The following MYO3B variants were observed in gnomAD, a reference collection of about 807,000 sequenced individuals.
MYO3B encodes the protein myosin-IIIb.
Under a neutral mutation model 174.6 loss-of-function variants are expected in MYO3B, and 156 were observed. That is an observed-to-expected ratio of 0.89 (90% CI 0.78 to 1.02). The LOEUF is 1.02. Among genes scored for constraint, MYO3B ranks in the 50% least tolerant of loss-of-function variants. The pLI, the probability that MYO3B is intolerant of heterozygous loss-of-function variation, is 0.00. For missense variants in MYO3B, 1,632 were observed against 1,639.4 expected (o/e 1.00, Z 0.08); for synonymous variants, 563 against 569.1 (o/e 0.99, Z 0.15).
chr2:170,448,764 G>C (rs1425598949), intron 23 of MYO3B, among the ~76,000 whole-genome samples: 1 of 149,604 alleles, frequency 6.7e-6, no homozygotes, highest in Admixed American at 6.7e-5. Flanking sequence ...AAAAACTCAA[G>C]AACAACTAAC....
intron 32 of MYO3B, among the ~76,000 whole-genome samples, chr2:170,586,135 G>T (rs112207129): frequency 1.3e-5 from 2 of 152,352 alleles, no homozygotes; most frequent in East Asian, 1.9e-4. Context: ...TTACTAAGCA[G>T]TGGAGTGAAA....
intron 7 of MYO3B, among the ~76,000 whole-genome samples, chr2:170,253,341 G>C (rs1319779215): frequency 1.3e-5 from 2 of 152,168 alleles, no homozygotes; most frequent in Non-Finnish European, 2.9e-5. Flanking sequence ...TTTTTGGCTC[G>C]AGCAACTGCA....
chr2:170,388,691 G>A (rs11674995), intron 14 of MYO3B, among the ~76,000 whole-genome samples: 36,888 of 152,110 alleles, frequency 0.24, 4,924 homozygotes, highest in Non-Finnish European at 0.31. Flanking sequence ...GCTGTTGCCA[G>A]ATTCATGTGA....
intron 7 of MYO3B, among the ~76,000 whole-genome samples, chr2:170,297,453 A>G (rs180671800): frequency 1.1e-3 from 175 of 152,338 alleles, no homozygotes; most frequent in Non-Finnish European, 2.2e-3. Context: ...AGAGATTGCC[A>G]TAGTAACTCT....
In MYO3B at chr2:170,336,474, C is replaced by T. The variant is rs117704358; in HGVS notation, c.815+1024C>T. ...CAATACAGATCAACAATCTCTTATC[C>T]GTATTTCCAAAATCCAAAGAGCTCC... On this transcript the variant is annotated intron_variant, in intron 8 of 34. Coordinates refer to ENST00000408978, the MANE Select transcript of MYO3B (RefSeq NM_138995.5). Among the ~76,000 whole-genome samples, 787 of 152,088 alleles carry T rather than the reference C, an allele frequency of 5.2e-3. 11 individuals are homozygous for T. Among genetic ancestry groups the T allele is most frequent in the East Asian group, 0.039 (199 of 5,164 alleles).
chr2:170,375,721 G>GCATA (rs1553476219), intron 9 of MYO3B, among the ~76,000 whole-genome samples: 1 of 148,802 alleles, frequency 6.7e-6, no homozygotes, highest in East Asian at 2.0e-4. Context: ...GTGCATGCAT[G>GCATA]CACACACACA....
chr2:170,453,549 T>C (rs1683735502), intron 23 of MYO3B, among the ~76,000 whole-genome samples: 1 of 151,828 alleles, frequency 6.6e-6, no homozygotes, highest in Non-Finnish European at 1.5e-5. Context: ...GGTACCAGGT[T>C]TCTGGGCTCC....
At chr2:170,625,764 C>T (rs1267621128) in intron 32 of MYO3B, among the ~76,000 whole-genome samples, 3 of 152,184 alleles carry the variant, frequency 2.0e-5, no homozygotes, top group Admixed American at 6.5e-5. Context: ...TCTTTGTTCT[C>T]ATTGGTTTCA....
chr2:170,263,028 G>A (rs547486561), intron 7 of MYO3B, among the ~76,000 whole-genome samples: 5 of 152,318 alleles, frequency 3.3e-5, no homozygotes, highest in African/African-American at 7.2e-5. Flanking sequence ...TGGTTTGGTA[G>A]GAATTAGGAG....
chr2:170,416,140 G>A (rs2094576957), intron 22 of MYO3B, among the ~76,000 whole-genome samples: 1 of 152,128 alleles, frequency 6.6e-6, no homozygotes. Flanking sequence ...CAGAGTTCAT[G>A]GTGATGCATC....
chr2:170,541,089 G>T (rs777171856), intron 30 of MYO3B, among the ~76,000 whole-genome samples: 5 of 152,174 alleles, frequency 3.3e-5, no homozygotes, highest in African/African-American at 7.2e-5. Flanking sequence ...AAACAGATAA[G>T]CTGACTCCCT....
At chr2:170,181,777 G>A (rs918266720) in intron 1 of MYO3B, among the ~76,000 whole-genome samples, 5 of 152,200 alleles carry the variant, frequency 3.3e-5, no homozygotes, top group South Asian at 4.1e-4. Context: ...ATGCCTACCA[G>A]TAGAATTACA....
chr2:170,646,062 G>A (rs1371116528), intron 32 of MYO3B, among the ~76,000 whole-genome samples: 2 of 151,866 alleles, frequency 1.3e-5, no homozygotes, highest in African/African-American at 2.4e-5. Flanking sequence ...ACCTGAGGTC[G>A]GGAGTTCGAG....
In MYO3B at chr2:170,466,732, A is replaced by G. The variant is rs747505587; in HGVS notation, c.3014+21A>G. The G allele has an allele frequency of 2.5e-6, 4 of 1,610,102 alleles. No individual in the cohort carries two copies. The African/African-American group carries it at 4.0e-5, about 16-fold the overall frequency. On this transcript the variant is annotated intron_variant, in intron 25 of 34. Coordinates refer to ENST00000408978, the MANE Select transcript of MYO3B (RefSeq NM_138995.5). ...AAAAGGTCAGACCGTCATCTACGGG[A>G]ATGCATTCTTATAAATGTAGCTCTA...
At chr2:170,431,387 C>T (rs2094707854) in intron 22 of MYO3B, among the ~76,000 whole-genome samples, 1 of 152,208 alleles carries the variant, frequency 6.6e-6, no homozygotes, top group African/African-American at 2.4e-5. Context: ...TTGAAACAGT[C>T]TGGGATTCAG....
chr2:170,204,966 C>G (rs1014812793), intron 3 of MYO3B, among the ~76,000 whole-genome samples: 1 of 152,130 alleles, frequency 6.6e-6, no homozygotes, highest in African/African-American at 2.4e-5. Flanking sequence ...TCCAAGTGCC[C>G]AGTCTTTTTT....
At chr2:170,242,958 T>C (rs540258365) in intron 7 of MYO3B, among the ~76,000 whole-genome samples, 3 of 152,172 alleles carry the variant, frequency 2.0e-5, no homozygotes, top group East Asian at 3.9e-4. Flanking sequence ...GTTGGCATAA[T>C]GGTAGGGGCA....
intron 10 of MYO3B, chr2:170,382,372 G>C (rs900267567): frequency 3.5e-6 from 1 of 284,978 alleles, no homozygotes. Flanking sequence ...CCTTAATGAT[G>C]GATTATATCA....
chr2:170,319,757 G>GA (rs2093802060), intron 7 of MYO3B, among the ~76,000 whole-genome samples: 1 of 151,986 alleles, frequency 6.6e-6, no homozygotes, highest in Admixed American at 6.6e-5. Context: ...AAGATGAAGA[G>GA]AAAATCTTGA....
Sources: gnomAD v4.1 joint callset for allele counts (sites outside exome capture counted in the v4.1 genomes callset) on GRCh38, gnomAD v4.1.1 for gene constraint, MANE v1.5 for transcripts, NCBI Gene and HGNC (gene_info 2026-07-23, HGNC 2026-07-21) for gene names.